Variants in HPSE2 observed in about 807,000 individuals in gnomAD.
HPSE2 encodes the protein heparanase 2 (inactive), also known as inactive heparanase-2.
HPSE2 carries 38 observed loss-of-function variants against 60.5 expected under a neutral mutation model. The ratio of observed to expected loss-of-function variants is 0.63; its 90% CI spans 0.48 to 0.82. The LOEUF (loss-of-function observed/expected upper bound fraction) is 0.82, where lower values mean the gene tolerates loss of function less well. Ranked by LOEUF, HPSE2 falls within the 40% of genes least tolerant of loss-of-function variation. The pLI is 0.00. For missense variants in HPSE2, 713 were observed against 740.4 expected (o/e 0.96, Z 0.43); for synonymous variants, 295 against 293.2 (o/e 1.01, Z -0.06).
intron 4 of HPSE2, among the ~76,000 whole-genome samples, chr10:98,724,798 C>T (rs1041076887): frequency 6.6e-6 from 1 of 151,754 alleles, no homozygotes; most frequent in African/African-American, 2.4e-5. Flanking sequence ...ACCCTCAGGA[C>T]ACAAAATCAA....
Position 98,490,193 on chromosome 10 carries a change from A to T in HPSE2, c.1324T>A (p.Tyr442Asn). 1 of 1,614,046 alleles carries T rather than the reference A, an allele frequency of 6.2e-7. No individual in the cohort carries two copies. Among genetic ancestry groups the T allele is most frequent in the Non-Finnish European group, 8.5e-7 (1 of 1,179,976 alleles). The change falls in exon 10 of 12, where the codon TAC becomes AAC. Residue 442 changes from tyrosine (Y) to asparagine (N), a missense_variant. Coordinates refer to ENST00000370552, the MANE Select transcript of HPSE2 (RefSeq NM_021828.5). ...CGCTTGTAGAGGAGAGAGAGCCAGT[A>T]GTCCTGAGGAGAATAGAGAGGGAGA... The part of the protein sequence containing the change: ...VDQNFNPLPD[Y>N]WLSLLYKRLI...
At chr10:98,897,899 C>T (rs1036710994) in intron 3 of HPSE2, among the ~76,000 whole-genome samples, 2 of 151,946 alleles carry the variant, frequency 1.3e-5, no homozygotes, top group East Asian at 1.9e-4. Context: ...ATTAATGGAA[C>T]GAAAAGCCAC....
In HPSE2 at chr10:98,490,498, T is replaced by C. The variant is rs11189631; in HGVS notation, c.1321-302A>G. ...CAAATCAATCAAGGATTTTCATATA[T>C]GAAATAAAACCATTTGAGGCTTTAC... On this transcript the variant is annotated intron_variant, in intron 9 of 11. Transcript: ENST00000370552. Among the ~76,000 whole-genome samples, 28 of 152,346 alleles carry C rather than the reference T, an allele frequency of 1.8e-4. No homozygotes were observed. The East Asian group carries it at 5.4e-3, about 29-fold the overall frequency.
At chr10:98,934,087 T>C (rs1189573773) in intron 3 of HPSE2, among the ~76,000 whole-genome samples, 1 of 143,620 alleles carries the variant, frequency 7.0e-6, no homozygotes, top group Non-Finnish European at 1.5e-5. Flanking sequence ...TCAGAAACTA[T>C]GACTGCAACC....
chr10:99,226,482 A>C (rs1294226467), intron 2 of HPSE2, among the ~76,000 whole-genome samples: 1 of 151,978 alleles, frequency 6.6e-6, no homozygotes, highest in African/African-American at 2.4e-5. Flanking sequence ...TCTCATGTTT[A>C]CTGAGAGTTA....
chr10:99,121,767 T>G (rs1235999305), intron 3 of HPSE2, among the ~76,000 whole-genome samples: 1 of 152,140 alleles, frequency 6.6e-6, no homozygotes, highest in Non-Finnish European at 1.5e-5. Context: ...ACATTAAAAT[T>G]TTAAATATGC....
At chr10:98,468,305 C>T (rs773639078) in intron 11 of HPSE2, among the ~76,000 whole-genome samples, 3 of 152,144 alleles carry the variant, frequency 2.0e-5, no homozygotes, top group Non-Finnish European at 4.4e-5. Context: ...CAGGTGGTGT[C>T]GCCTGGTACC....
the HPSE2 span, among the ~76,000 whole-genome samples, chr10:99,281,358 G>GA: frequency 0.86 from 128,432 of 150,006 alleles, 55,353 homozygotes; most frequent in African/African-American, 0.92. Flanking sequence ...TATATCGAGA[G>GA]ATTCACAAAA....
At chr10:98,871,067 A>G (rs1952718977) in intron 3 of HPSE2, among the ~76,000 whole-genome samples, 1 of 152,108 alleles carries the variant, frequency 6.6e-6, no homozygotes, top group East Asian at 1.9e-4. Context: ...CACCAGAAGC[A>G]GATGCTGGTA....
At chr10:99,061,831 T>A (rs1412978320) in intron 3 of HPSE2, among the ~76,000 whole-genome samples, 1 of 152,228 alleles carries the variant, frequency 6.6e-6, no homozygotes, top group Non-Finnish European at 1.5e-5. Flanking sequence ...GTACATAAAG[T>A]ACTTTTGCTA....
intron 2 of HPSE2, among the ~76,000 whole-genome samples, chr10:99,210,368 T>A (rs911964616): frequency 8.5e-5 from 13 of 152,298 alleles, no homozygotes; most frequent in African/African-American, 3.1e-4. Context: ...CCAATCCTTC[T>A]CAAATGCTTC....
intron 5 of HPSE2, among the ~76,000 whole-genome samples, chr10:98,703,793 CA>C (rs1948474453): frequency 6.6e-6 from 1 of 152,078 alleles, no homozygotes; most frequent in South Asian, 2.1e-4. Context: ...CTATGTGTGA[CA>C]AACCTACAGC....
chr10:98,633,656 G>A lies in HPSE2; in HGVS notation c.1098+8191C>T, dbSNP rs141338335. On this transcript the variant is annotated intron_variant, in intron 7 of 11. Coordinates refer to ENST00000370552, the MANE Select transcript of HPSE2 (RefSeq NM_021828.5). ...GAGTCTTCTGTTATGTTATCAGTAA[G>A]GCTTCTGGTCAACAGCAGGCTATTA... 4.6e-5 allele frequency among the ~76,000 whole-genome samples: 7 copies of A among 152,228 alleles called. No homozygotes were observed. The East Asian group carries it at 1.2e-3, about 25-fold the overall frequency.
At chr10:98,800,986 A>T (rs2134523778) in intron 3 of HPSE2, among the ~76,000 whole-genome samples, 1 of 152,296 alleles carries the variant, frequency 6.6e-6, no homozygotes, top group Middle Eastern at 3.4e-3. Context: ...ACAAAATACT[A>T]GCAACCTAAA....
chr10:98,970,991 T>C (rs866856964), intron 3 of HPSE2, among the ~76,000 whole-genome samples: 14 of 152,364 alleles, frequency 9.2e-5, no homozygotes, highest in African/African-American at 3.4e-4. Context: ...AAGAAGCCTC[T>C]GGTATCATCT....
the HPSE2 span, among the ~76,000 whole-genome samples, chr10:99,284,910 C>T: frequency 4.0e-4 from 61 of 152,146 alleles, no homozygotes; most frequent in African/African-American, 1.4e-3. Flanking sequence ...AGCACACTGT[C>T]AAGAGTATGA....
intron 3 of HPSE2, among the ~76,000 whole-genome samples, chr10:99,007,140 G>A (rs930529892): frequency 4.6e-5 from 7 of 152,222 alleles, no homozygotes; most frequent in African/African-American, 1.2e-4. Context: ...TCAACCTGGT[G>A]TAGGGTAGCA....
At chr10:99,170,848 G>A (rs928750072) in intron 2 of HPSE2, among the ~76,000 whole-genome samples, 6 of 152,112 alleles carry the variant, frequency 3.9e-5, no homozygotes, top group African/African-American at 9.7e-5. Context: ...ACCACTGATC[G>A]AAAACATTTT....
chr10:98,688,477 C>CT (rs1388717965), intron 6 of HPSE2, among the ~76,000 whole-genome samples: 2,348 of 82,914 alleles, frequency 0.028, 105 homozygotes, highest in African/African-American at 0.072. Context: ...TTTTTTTTTT[C>CT]TTTTTTTTTT....
Sources: gnomAD v4.1 joint callset for allele counts (sites outside exome capture counted in the v4.1 genomes callset) on GRCh38, gnomAD v4.1.1 for gene constraint, MANE v1.5 for transcripts, NCBI Gene and HGNC (gene_info 2026-07-23, HGNC 2026-07-21) for gene names.